DLG5: variants seen among roughly 807,000 people sequenced by gnomAD.
The protein encoded by DLG5 is disks large homolog 5.
DLG5 carries 48 observed loss-of-function variants against 189.8 expected under a neutral mutation model. That is an observed-to-expected ratio of 0.25 (90% CI 0.20 to 0.32). The LOEUF is 0.32. Ranked by LOEUF, DLG5 falls within the 10% of genes least tolerant of loss-of-function variation. DLG5 has a pLI of 1.00. For missense variants in DLG5, 2,160 were observed against 2,544.7 expected (o/e 0.85, Z 3.25); for synonymous variants, 1,016 against 1,054.1 (o/e 0.96, Z 0.70).
chr10:77,934,648 C>T, the DLG5 span, among the ~76,000 whole-genome samples: 1 of 152,080 alleles, frequency 6.6e-6, no homozygotes, highest in Non-Finnish European at 1.5e-5. Flanking sequence ...AGGAACCTCA[C>T]TCTTACAATC....
At chr10:77,817,222 G>A (rs1386458321) in intron 18 of DLG5, 126 bp from the exon 19 acceptor site, 3 of 853,554 alleles carry the variant, frequency 3.5e-6, no homozygotes, top group Non-Finnish European at 5.8e-6. Context: ...ATTCCCAAGG[G>A]AGCCTTGATA....
At position 77,856,749 on chromosome 10, in the gene DLG5, C is replaced by T. The variant is rs750126619; in HGVS notation, c.517G>A (p.Gly173Ser). 2 of 1,613,438 alleles carry T rather than the reference C, an allele frequency of 1.2e-6. No individual in the cohort carries two copies. Among genetic ancestry groups the T allele is most frequent in the South Asian group, 2.2e-5 (2 of 91,052 alleles). Residue 173 changes from glycine to serine, a missense_variant, in exon 3 of 32, where the codon GGC becomes AGC. By Grantham distance (56) the Gly-to-Ser change is moderately conservative. This residue lies in a region of DLG5 where 664 missense variants were observed against 838.5 expected (regional missense o/e 0.79). Transcript: ENST00000372391. ...LRKRLAFATH[G>S]TAFDKRPYHR... ...TACTACCTCTTGTCAAAGGCCGTGCCATGCGTAGCAAAGGCCAGGCGCTTG... is the reference window on the plus strand; with the variant it reads ...TACTACCTCTTGTCAAAGGCCGTGCTATGCGTAGCAAAGGCCAGGCGCTTG...
chr10:77,841,909 G>A lies in DLG5; in HGVS notation c.1409C>T (p.Ala470Val), dbSNP rs1411796251. 1.9e-6 allele frequency: 3 copies of A among 1,610,478 alleles called. No homozygotes were observed. The highest frequency in any genetic ancestry group is 1.7e-5 in the Admixed American group (1 of 59,976). The part of the protein sequence containing the change: ...LKSSTSEKKA[A>V]NEEMEALRQI... ...CCGCAGCGCCTCCATCTCCTCATTG[G>A]CCGCCTTCTTCTCAGATGTGCTGCT... The change falls in exon 7 of 32, where the codon GCC (alanine) becomes GTC (valine). Residue 470 changes from alanine (A) to valine (V), a missense_variant. Coordinates refer to ENST00000372391, the MANE Select transcript of DLG5 (RefSeq NM_004747.4).
chr10:77,849,309 G>A (rs969978699), intron 5 of DLG5, among the ~76,000 whole-genome samples: 3 of 152,384 alleles, frequency 2.0e-5, no homozygotes, highest in Non-Finnish European at 4.4e-5. Flanking sequence ...CCCTTGTCCA[G>A]AGAGGTTGAC....
chr10:77,882,622 C>T (rs778128930), intron 1 of DLG5, among the ~76,000 whole-genome samples: 23 of 151,996 alleles, frequency 1.5e-4, no homozygotes, highest in Non-Finnish European at 2.6e-4. Flanking sequence ...GGAATTAAAA[C>T]GCAAGAAGGC....
chr10:77,809,941 G>A (rs1262800490), intron 23 of DLG5, among the ~76,000 whole-genome samples: 2 of 152,154 alleles, frequency 1.3e-5, no homozygotes, highest in East Asian at 1.9e-4. Context: ...CAGGTCCAAA[G>A]CCAGTTAGCG....
intron 18 of DLG5, 144 bp downstream of exon 18, chr10:77,817,633 C>T: frequency 2.9e-6 from 2 of 701,346 alleles, no homozygotes; most frequent in South Asian, 3.7e-5. Flanking sequence ...GGAAGCAGCC[C>T]TTCCCAGTAG....
chr10:77,819,223 G>C, intron 17 of DLG5, 98 bp downstream of exon 17: 1 of 1,569,958 alleles, frequency 6.4e-7, no homozygotes. Context: ...AGGCAAGGAA[G>C]CTTCTCCACC....
chr10:77,903,553 G>A (rs554162641), intron 1 of DLG5, among the ~76,000 whole-genome samples: 2 of 151,678 alleles, frequency 1.3e-5, no homozygotes, highest in East Asian at 3.9e-4. Flanking sequence ...GGGAGGCAGA[G>A]GTTGCGGTGA....
At chr10:77,830,984 C>T (rs2154575972) in intron 9 of DLG5, 111 bp from the exon 10 acceptor site, 1 of 1,289,924 alleles carries the variant, frequency 7.8e-7, no homozygotes. Flanking sequence ...AAATGGGTTC[C>T]TTTCCCCCTT....
intron 15 of DLG5, chr10:77,820,776 C>T (rs1230057129): frequency 2.2e-5 from 9 of 405,712 alleles, no homozygotes; most frequent in Non-Finnish European, 3.5e-5. Context: ...CTCCCTAGCC[C>T]TTCAAGGCAA....
the DLG5 span, among the ~76,000 whole-genome samples, chr10:77,938,551 C>T: frequency 6.6e-6 from 1 of 152,208 alleles, no homozygotes; most frequent in Non-Finnish European, 1.5e-5. Flanking sequence ...AAGAACACTT[C>T]CATTTTTCAG....
intron 13 of DLG5, 67 bp downstream of exon 13, chr10:77,828,815 C>G (rs1296469438): frequency 1.3e-6 from 2 of 1,547,496 alleles, no homozygotes; most frequent in Admixed American, 3.4e-5. Flanking sequence ...TTACTTCTTG[C>G]TCAAACCTCC....
chr10:77,832,363 G>A (rs1321205312), intron 9 of DLG5, among the ~76,000 whole-genome samples: 2 of 152,212 alleles, frequency 1.3e-5, no homozygotes, highest in South Asian at 4.1e-4. Flanking sequence ...GCCAGCTCAT[G>A]AACACTGCCC....
At chr10:77,834,515 G>A (rs1843030034) in intron 8 of DLG5, among the ~76,000 whole-genome samples, 1 of 152,168 alleles carries the variant, frequency 6.6e-6, no homozygotes, top group Non-Finnish European at 1.5e-5. Context: ...TAGGAAGGGA[G>A]CCCCTTCGGA....
chr10:77,854,111 T>C, intron 4 of DLG5, 116 bp downstream of exon 4: 1 of 1,355,288 alleles, frequency 7.4e-7, no homozygotes, highest in Non-Finnish European at 9.9e-7. Context: ...GACTGCTTGC[T>C]CTTGCACAGG....
At chr10:77,822,955 A>G (rs1456655870) in intron 14 of DLG5, among the ~76,000 whole-genome samples, 1 of 152,244 alleles carries the variant, frequency 6.6e-6, no homozygotes, top group Non-Finnish European at 1.5e-5. Flanking sequence ...TTTTTAGAGC[A>G]GTGAAACTAC....
upstream of DLG5, among the ~76,000 whole-genome samples, chr10:77,930,117 G>A (rs555228171): frequency 6.6e-5 from 10 of 151,994 alleles, 1 homozygote; most frequent in African/African-American, 2.2e-4. Flanking sequence ...CTGCACACAC[G>A]CACTCACACA....
At chr10:77,814,461 T>TTATTTATA (rs1841939762) in intron 20 of DLG5, among the ~76,000 whole-genome samples, 2 of 70,696 alleles carry the variant, frequency 2.8e-5, no homozygotes, top group African/African-American at 7.6e-5. Context: ...TAAAGCATGT[T>TTATTTATA]TATATATATA....
Sources: allele counts gnomAD v4.1 joint callset (sites outside exome capture counted in the v4.1 genomes callset), GRCh38; gene constraint gnomAD v4.1.1; regional missense constraint gnomAD v4.1.1; transcripts MANE v1.5; gene names NCBI Gene and HGNC (gene_info 2026-07-23, HGNC 2026-07-21).